Variants in AHNAK2 observed in about 807,000 individuals in gnomAD.
AHNAK2 encodes protein AHNAK2.
In AHNAK2, 18 loss-of-function variants were observed where a neutral mutation model predicts 30.7. The ratio of observed to expected loss-of-function variants is 0.59; its 90% CI spans 0.41 to 0.87. AHNAK2 has a LOEUF of 0.87. AHNAK2 is among the 40% of genes least tolerant of loss of function. The pLI, the probability that AHNAK2 is intolerant of heterozygous loss-of-function variation, is 0.00. For synonymous variants in AHNAK2, 3,590 were observed against 3,073.8 expected (o/e 1.17, Z -5.56); for missense variants, 8,604 against 7,373.0 (o/e 1.17, Z -6.11).
Position 104,944,074 on chromosome 14 carries a change from C to T in AHNAK2, c.11377G>A (p.Asp3793Asn), listed in dbSNP as rs11160825. 846,466 of 1,607,708 alleles carry T rather than the reference C, an allele frequency of 0.53. 214,690 individuals carry two copies. The highest frequency in any genetic ancestry group is 0.65 in the Middle Eastern group (3,889 of 6,022). ...CTGTCTTTGGCAGTCACATCCTTGT[C>T]GGCCAGGGACAGGTCCCCCTCCAGC... is the stretch of plus-strand genomic sequence containing the variant. Reference protein sequence around the residue: ...AQLEGDLSLADKDVTAKDSKF... With the variant: ...AQLEGDLSLANKDVTAKDSKF... The change falls in exon 7 of 7, where the codon GAC becomes AAC. Residue 3793 changes from aspartate (D) to asparagine (N), a missense_variant. By Grantham distance (23) the Asp-to-Asn change is conservative. Coordinates refer to ENST00000333244, the MANE Select transcript of AHNAK2 (RefSeq NM_138420.4).
chr14:104,958,693 C>G (rs1205884244), intron 1 of AHNAK2, among the ~76,000 whole-genome samples: 1 of 151,994 alleles, frequency 6.6e-6, no homozygotes, highest in Non-Finnish European at 1.5e-5. Flanking sequence ...AGAACGGGGT[C>G]AGGGGGAAGA....
At chr14:104,958,954 G>A (rs1413288888) in intron 1 of AHNAK2, among the ~76,000 whole-genome samples, 2 of 152,186 alleles carry the variant, frequency 1.3e-5, no homozygotes, top group Non-Finnish European at 2.9e-5. Context: ...TAGAAGCTAC[G>A]AGAAAGTGGA....
At position 104,945,526 on chromosome 14, in the gene AHNAK2, T is replaced by C. The variant is rs200742411; in HGVS notation, c.9925A>G (p.Lys3309Glu). ...GACGGCATCTTGAATTTGGGCATTT[T>C]GAACTTGCTGTCTTTGGCAGTCACA... The part of the protein sequence containing the change: ...KDVTAKDSKF[K>E]MPKFKMPSYR... The change falls in exon 7 of 7, where the codon AAA (lysine) becomes GAA (glutamate). Residue 3309 changes from lysine (K) to glutamate (E), a missense_variant. Transcript: ENST00000333244. 252 of 1,612,376 alleles carry C rather than the reference T, an allele frequency of 1.6e-4. 2 individuals carry two copies. The South Asian group carries it at 2.0e-3, about 13-fold the overall frequency.
rs763347153 is a variant in AHNAK2, at chr14:104,948,100, C to G, written c.7351G>C (p.Val2451Leu). 11 of 1,612,922 alleles carry G rather than the reference C, an allele frequency of 6.8e-6. No individual in the cohort carries two copies. The highest frequency in any genetic ancestry group is 9.3e-6 in the Non-Finnish European group (11 of 1,179,736). ...TTGGCTCCCGGGGCCTCGACATCCA[C>G]CTCCACGCTGGGCTGAGACACCTCC... ...DVEVSQPSVE[V>L]DVEAPGAKLD... Residue 2451 changes from valine to leucine, a missense_variant, in exon 7 of 7, where the codon GTG (valine) becomes CTG (leucine). Physicochemically the swap from Val to Leu is conservative, Grantham distance 32. Transcript: ENST00000333244.
Position 104,943,110 on chromosome 14 carries a change from T to G in AHNAK2, c.12341A>C (p.Gln4114Pro), listed in dbSNP as rs578153196. 1.2e-6 allele frequency: 2 copies of G among 1,608,402 alleles called. No homozygotes were observed. The highest frequency in any genetic ancestry group is 2.3e-5 in the East Asian group (1 of 44,442). The part of the protein sequence containing the change: ...QAPRAKLDGV[Q>P]LEGDLSLADK... ...GGCCAGGGACAGGTCCCCCTCCAGC[T>G]GCACACCATCCAGCTTTGCTCTCGG... The change falls in exon 7 of 7, where the codon CAG becomes CCG. Residue 4114 changes from glutamine (Q) to proline (P), a missense_variant. Gln to Pro is a moderately conservative substitution (Grantham distance 76). Coordinates refer to ENST00000333244, the MANE Select transcript of AHNAK2 (RefSeq NM_138420.4).
chr14:104,960,383 TATTTACATAGC>T (rs533954530), intron 1 of AHNAK2, among the ~76,000 whole-genome samples: 167 of 152,360 alleles, frequency 1.1e-3, no homozygotes, highest in African/African-American at 3.9e-3. Flanking sequence ...GTATACCAGC[TATTTACATAGC>T]ATTTACATTG....
At position 104,940,515 on chromosome 14, in the gene AHNAK2, C is replaced by T. The variant is rs1041172895; in HGVS notation, c.14936G>A (p.Cys4979Tyr). ...KETGPKVDPECSVEDSKLSLV... is the reference protein window; with the variant it reads ...KETGPKVDPEYSVEDSKLSLV... ...GCTGAGTTTTGAGTCCTCCACGCTGCATTCTGGGTCCACCTTTGGCCCTGT... is the reference window on the plus strand; with the variant it reads ...GCTGAGTTTTGAGTCCTCCACGCTGTATTCTGGGTCCACCTTTGGCCCTGT... Residue 4979 changes from cysteine to tyrosine, a missense_variant, in exon 7 of 7, where the codon TGC becomes TAC. Coordinates refer to ENST00000333244, the MANE Select transcript of AHNAK2 (RefSeq NM_138420.4). This position sits in a 1 kb window ranked among gnomAD's most constrained non-coding sequence, Gnocchi z 4.4. 3 of 1,613,808 alleles carry T rather than the reference C, an allele frequency of 1.9e-6. No homozygotes were observed. The highest frequency in any genetic ancestry group is 2.5e-6 in the Non-Finnish European group (3 of 1,179,882).
At chr14:104,967,668 G>C (rs1426840126) in intron 1 of AHNAK2, among the ~76,000 whole-genome samples, 3 of 152,262 alleles carry the variant, frequency 2.0e-5, no homozygotes, top group Non-Finnish European at 4.4e-5. Context: ...GAGGCTCAGC[G>C]AGCGGCAGAC....
rs978048886 is a variant in AHNAK2 at position 104,950,102 on chromosome 14, C to G, written c.5349G>C (p.Glu1783Asp). 9 of 1,587,142 alleles carry G rather than the reference C, an allele frequency of 5.7e-6. No homozygotes were observed. The African/African-American group carries it at 1.2e-4, about 22-fold the overall frequency. Reference protein sequence around the residue: ...PKAEVMAPDVEVSLPSVEVDV... With the variant: ...PKAEVMAPDVDVSLPSVEVDV... ...CCACCTCCACGCTGGGCAGAGACAC[C>G]TCCACGTCGGGGGCCATCACCTCCG... Residue 1783 changes from glutamate to aspartate, a missense_variant, in exon 7 of 7, where the codon GAG becomes GAC. Coordinates refer to ENST00000333244, the MANE Select transcript of AHNAK2 (RefSeq NM_138420.4).
At position 104,950,396 on chromosome 14, in the gene AHNAK2, C is replaced by A. The variant is rs777898193; in HGVS notation, c.5055G>T (p.Glu1685Asp). 1 of 1,586,082 alleles carries A rather than the reference C, an allele frequency of 6.3e-7. No homozygotes were observed. Among genetic ancestry groups the A allele is most frequent in the East Asian group, 2.3e-5 (1 of 43,984 alleles). Reference protein sequence around the residue: ...KSIEASVDVSEPKVEADVSLP... With the variant: ...KSIEASVDVSDPKVEADVSLP... ...GGCTCACATCAGCTTCCACCTTCGG[C>A]TCAGACACATCCACCGAGGCCTCGA... The change falls in exon 7 of 7, where the codon GAG (glutamate) becomes GAT (aspartate). Residue 1685 changes from glutamate (E) to aspartate (D), a missense_variant. By Grantham distance (45) the Glu-to-Asp change is conservative. Transcript: ENST00000333244.
In AHNAK2 at chr14:104,944,705, C is replaced by T. The variant is rs1898163833; in HGVS notation, c.10746G>A (p.Lys3582=). The T allele has an allele frequency of 6.2e-7, 1 of 1,612,672 alleles. No homozygotes were observed. Among genetic ancestry groups the T allele is most frequent in the African/African-American group, 1.3e-5 (1 of 74,608 alleles). Residue 3582 remains lysine, a synonymous_variant, in exon 7 of 7, where the codon AAG becomes AAA. Coordinates refer to ENST00000333244, the MANE Select transcript of AHNAK2 (RefSeq NM_138420.4). The part of the protein sequence containing the change: ...KGPQIDVKGP[K]LDLKGPKAEV... ...CTGCCTTGGGGCCTTTCAGGTCCAG[C>T]TTGGGGCCCTTAACATCTATCTGGG...
chr14:104,949,120 C>T lies in AHNAK2; in HGVS notation c.6331G>A (p.Asp2111Asn), dbSNP rs192885667. The part of the protein sequence containing the change: ...KDPKVEMRVP[D>N]VEVSLPSMEV... The stretch of plus-strand genomic sequence containing the variant: ...ATGCTGGGCAGAGACACCTCGACAT[C>T]GGGGACTCTCATTTCCACCTTGGGG... Residue 2111 changes from aspartate to asparagine, a missense_variant, in exon 7 of 7, where the codon GAT (aspartate) becomes AAT (asparagine). By Grantham distance (23) the Asp-to-Asn change is conservative (BLOSUM62 1). Transcript: ENST00000333244. The T allele has an allele frequency of 9.3e-7, 1 of 1,070,526 alleles. No homozygotes were observed. Among genetic ancestry groups the T allele is most frequent in the South Asian group, 1.5e-5 (1 of 65,142 alleles). The allele number at this position is 1,070,526 out of a possible 1,614,324, so 66.3% of individuals were successfully genotyped here. A position where few individuals can be genotyped will look rare whatever the true frequency, so the allele number is the denominator to read the frequency against.
chr14:104,938,885 T>C lies in AHNAK2; in HGVS notation c.16566A>G (p.Lys5522=), dbSNP rs1295124953. 2 of 1,613,682 alleles carry C rather than the reference T, an allele frequency of 1.2e-6. No homozygotes were observed. Among genetic ancestry groups the C allele is most frequent in the African/African-American group, 1.3e-5 (1 of 74,908 alleles). The change falls in exon 7 of 7, where the codon AAA becomes AAG. Residue 5522 remains lysine, a synonymous_variant. Transcript: ENST00000333244. The stretch of plus-strand genomic sequence containing the variant: ...GCGTGTGGGGCTCTGGGATTTTCAC[T>C]TTTAATAAGGAAAATCCGTACGAAG... ...QTPSYGFSLL[K]VKIPEPHTQA... is the part of the protein sequence containing the mutation.
intron 1 of AHNAK2, among the ~76,000 whole-genome samples, chr14:104,973,208 T>C (rs564323308): frequency 2.0e-5 from 3 of 152,344 alleles, no homozygotes; most frequent in South Asian, 2.1e-4. Flanking sequence ...CCATCCGGCA[T>C]GTCCCGTGAT....
rs1481016641 is a variant in AHNAK2 at position 104,949,931 on chromosome 14, C to G, written c.5520G>C (p.Lys1840Asn). The G allele has an allele frequency of 1.3e-6, 2 of 1,589,496 alleles. No individual in the cohort carries two copies. Among genetic ancestry groups the G allele is most frequent in the African/African-American group, 2.8e-5 (2 of 72,656 alleles). The change falls in exon 7 of 7, where the codon AAG (lysine) becomes AAC (asparagine). Residue 1840 changes from lysine (K) to asparagine (N), a missense_variant. By Grantham distance (94) the Lys-to-Asn change is moderately conservative (BLOSUM62 0). Coordinates refer to ENST00000333244, the MANE Select transcript of AHNAK2 (RefSeq NM_138420.4). Reference protein sequence around the residue: ...MPSFGVSAPGKSIEASVDVSA... With the variant: ...MPSFGVSAPGNSIEASVDVSA... ...ACACATCCACCGAGGCCTCGATGGA[C>G]TTGCCTGGGGCAGACACCCCGAACG...
At chr14:104,965,401 C>CAAAAAAAAAAAAAA (rs397853385) in intron 1 of AHNAK2, among the ~76,000 whole-genome samples, 18 of 85,444 alleles carry the variant, frequency 2.1e-4, no homozygotes, top group Admixed American at 3.8e-4. Context: ...AACTCTGTCT[C>CAAAAAAAAAAAAAA]AAAAAAAAAA....
Position 104,941,433 on chromosome 14 carries a change from T to A in AHNAK2, c.14018A>T (p.His4673Leu), listed in dbSNP as rs201648026. 2,383 of 1,612,908 alleles carry A rather than the reference T, an allele frequency of 1.5e-3. 2 individuals are homozygous for A. Among genetic ancestry groups the A allele is most frequent in the Non-Finnish European group, 1.9e-3 (2,199 of 1,179,562 alleles). The change falls in exon 7 of 7, where the codon CAT becomes CTT. Residue 4673 changes from histidine (H) to leucine (L), a missense_variant. Coordinates refer to ENST00000333244, the MANE Select transcript of AHNAK2 (RefSeq NM_138420.4). ...AGATGGATCATGAAGATCACCTTCA[T>A]GAACAACAGATTCCACAATGGGAAA... The part of the protein sequence containing the change: ...STFPIVESVV[H>L]EGDLHDPSRD...
rs371952129 is a variant in AHNAK2, at chr14:104,943,976, C to T, written c.11475G>A (p.Ser3825=). Residue 3825 remains serine (S), a synonymous_variant, in exon 7 of 7, where the codon TCG becomes TCA. Transcript: ENST00000333244. ...CCACCTTGGGTGCAGACACGTGCAC[C>T]GAGGCCTCAATGGACTTGCCTGGGG... ...VSAPGKSIEA[S]VHVSAPKVEA... is the part of the protein sequence containing the mutation. The T allele has an allele frequency of 8.7e-6, 14 of 1,611,222 alleles. No individual in the cohort carries two copies. The highest frequency in any genetic ancestry group is 1.7e-4 in the Middle Eastern group (1 of 6,042).
chr14:104,942,591 G>T lies in AHNAK2; in HGVS notation c.12860C>A (p.Ala4287Asp). 1 of 1,613,082 alleles carries T rather than the reference G, an allele frequency of 6.2e-7. No homozygotes were observed. The highest frequency in any genetic ancestry group is 1.1e-5 in the South Asian group (1 of 91,042). The change falls in exon 7 of 7, where the codon GCC (alanine) becomes GAC (aspartate). Residue 4287 changes from alanine to aspartate, a missense_variant. Physicochemically the swap from Ala to Asp is moderately radical, Grantham distance 126 (BLOSUM62 -2). Transcript: ENST00000333244. ...SVRLEGDLSLADKDMTAKDSK... is the reference protein window; with the variant it reads ...SVRLEGDLSLDDKDMTAKDSK... Reference sequence around the variant, plus strand: ...GTCTTTGGCAGTCATGTCCTTGTCGGCTAGGGACAGGTCACCCTCCAGCCG... The same window carrying T: ...GTCTTTGGCAGTCATGTCCTTGTCGTCTAGGGACAGGTCACCCTCCAGCCG...
Sources: allele counts gnomAD v4.1 joint callset (sites outside exome capture counted in the v4.1 genomes callset), GRCh38; gene constraint gnomAD v4.1.1; non-coding constraint Gnocchi (gnomAD v3.1); transcripts MANE v1.5; gene names NCBI Gene and HGNC (gene_info 2026-07-23, HGNC 2026-07-21).